FLG: variants seen among roughly 807,000 people sequenced by gnomAD.
The protein encoded by FLG is filaggrin.
In FLG, 6 loss-of-function variants were observed where a neutral mutation model predicts 3.8. The observed-to-expected ratio is 1.60, with a 90% CI of 0.87 to 3.15. FLG has a LOEUF of 3.15. Ranked by LOEUF, FLG falls within the 30% of genes most tolerant of loss-of-function variation. FLG has a pLI of 0.00. For synonymous variants in FLG, 2,551 were observed against 1,931.6 expected (o/e 1.32, Z -8.41); for missense variants, 7,595 against 5,050.9 (o/e 1.50, Z -15.27).
rs925994626 is a variant in FLG, at chr1:152,310,741, A to G, written c.4145T>C (p.Val1382Ala). 3 of 1,613,698 alleles carry G rather than the reference A, an allele frequency of 1.9e-6. No individual in the cohort carries two copies. Among genetic ancestry groups the G allele is most frequent in the Non-Finnish European group, 2.5e-6 (3 of 1,179,996 alleles). The change falls in exon 3 of 3, where the codon GTC becomes GCC. Residue 1382 changes from valine to alanine, a missense_variant. By Grantham distance (64) the Val-to-Ala change is moderately conservative (BLOSUM62 0). Coordinates refer to ENST00000368799, the MANE Select transcript of FLG (RefSeq NM_002016.2). Reference sequence around the variant, plus strand: ...GGACCCTCGGTGTCCACTGTCTCTGACTGCAGATGAAGCTTGTCTGTGCCC... The same window carrying G: ...GGACCCTCGGTGTCCACTGTCTCTGGCTGCAGATGAAGCTTGTCTGTGCCC... ...GIGHRQASSA[V>A]RDSGHRGSSG...
chr1:152,317,066 T>A (rs3120656), intron 1 of FLG, among the ~76,000 whole-genome samples: 14,907 of 152,144 alleles, frequency 0.098, 2,480 homozygotes, highest in African/African-American at 0.34. Context: ...AAACAGTCTG[T>A]GCTCCTCCTG....
chr1:152,308,210 C>T lies in FLG; in HGVS notation c.6676G>A (p.Gly2226Ser). 1.2e-6 allele frequency: 2 copies of T among 1,613,976 alleles called. No homozygotes were observed. The highest frequency in any genetic ancestry group is 1.7e-6 in the Non-Finnish European group (2 of 1,179,978). Residue 2226 changes from glycine (G) to serine (S), a missense_variant, in exon 3 of 3, where the codon GGC becomes AGC. Physicochemically the swap from Gly to Ser is moderately conservative, Grantham distance 56. Transcript: ENST00000368799. ...WADSSRHSLV[G>S]QGQSSGPRTS... Reference sequence around the variant, plus strand: ...CTGGGCCCTGATGATTGTCCCTGGCCCACCAGTGAGTGTCTAGAGCTGTCG... The same window carrying T: ...CTGGGCCCTGATGATTGTCCCTGGCTCACCAGTGAGTGTCTAGAGCTGTCG...
intron 1 of FLG, among the ~76,000 whole-genome samples, chr1:152,324,038 C>T (rs554188171): frequency 1.0e-3 from 156 of 151,798 alleles, no homozygotes; most frequent in African/African-American, 3.5e-3. Flanking sequence ...GTTGACTGGA[C>T]GTGGTGATGA....
At chr1:152,316,235 C>G (rs1652785159) in intron 1 of FLG, among the ~76,000 whole-genome samples, 1 of 152,064 alleles carries the variant, frequency 6.6e-6, no homozygotes, top group Non-Finnish European at 1.5e-5. Context: ...GTAGCAGTCA[C>G]AACTAAAACA....
Position 152,308,062 on chromosome 1 carries a change from G to A in FLG, c.6824C>T (p.Ser2275Leu), listed in dbSNP as rs756335258. The stretch of plus-strand genomic sequence containing the variant: ...CCTGGGGTGTCTGGAGCCATCTCTT[G>A]ACTGCTCCTGAGCAGATCCATGATG... The part of the protein sequence containing the change: ...RNHHGSAQEQ[S>L]RDGSRHPRSH... The change falls in exon 3 of 3, where the codon TCA becomes TTA. Residue 2275 changes from serine to leucine, a missense_variant. By Grantham distance (145) the Ser-to-Leu change is moderately radical (BLOSUM62 -2). Transcript: ENST00000368799. 19 of 1,613,854 alleles carry A rather than the reference G, an allele frequency of 1.2e-5. No individual in the cohort carries two copies. Among genetic ancestry groups the A allele is most frequent in the African/African-American group, 8.0e-5 (6 of 74,868 alleles).
chr1:152,307,144 TCA>T lies in FLG; in HGVS notation c.7740_7741del (p.Arg2582ValfsTer62), dbSNP rs750770449. The stretch of plus-strand genomic sequence containing the variant: ...TCTGGAAGCAGACCCAGACCACCTC[TCA>T]GAGTCTTCTGAGTGTCCCTGACTGT... On this transcript the variant is annotated frameshift_variant, in exon 3 of 3. Coordinates refer to ENST00000368799, the MANE Select transcript of FLG (RefSeq NM_002016.2). LOFTEE classifies it low-confidence loss of function (END_TRUNC). The T allele has an allele frequency of 3.7e-6, 6 of 1,612,616 alleles. No homozygotes were observed. In the African/African-American group the frequency reaches 8.1e-5, roughly 22 times the overall value.
intron 2 of FLG, 82 bp downstream of exon 2, chr1:152,315,237 C>G: frequency 7.6e-7 from 1 of 1,322,672 alleles, no homozygotes; most frequent in Non-Finnish European, 1.1e-6. Context: ...AAATAGTTCA[C>G]AAAGAGCTCA....
Position 152,302,458 on chromosome 1 carries a change from AG to A in FLG, c.*241del, listed in dbSNP as rs1651668967. 3.8e-6 allele frequency: 2 copies of A among 531,438 alleles called. No homozygotes were observed. Among genetic ancestry groups the A allele is most frequent in the Non-Finnish European group, 6.5e-6 (2 of 305,652 alleles). The allele number at this position is 531,438 out of a possible 1,614,324, so 32.9% of individuals were successfully genotyped here. A position where few individuals can be genotyped will look rare whatever the true frequency, so the allele number is the denominator to read the frequency against. The stretch of plus-strand genomic sequence containing the variant: ...CAGAATCTCCTAAAATACTCCAGCT[AG>A]TTTTCTAAAGTTAGCTCTCCATGAT... On this transcript the variant is annotated 3_prime_UTR_variant, in exon 3 of 3. Transcript: ENST00000368799.
In FLG at chr1:152,302,309, C is replaced by T. The variant is rs1025170381; in HGVS notation, c.*391G>A. On this transcript the variant is annotated 3_prime_UTR_variant, in exon 3 of 3. Transcript: ENST00000368799. ...TGTGCTAGCCCTGATGTTGATATAG[C>T]CACTTTGGTATACAGAACTGTTTTA... is the stretch of plus-strand genomic sequence containing the variant. 6 of 225,120 alleles carry T rather than the reference C, an allele frequency of 2.7e-5. No individual in the cohort carries two copies. Among genetic ancestry groups the T allele is most frequent in the Non-Finnish European group, 4.4e-5 (5 of 113,918 alleles). The allele number at this position is 225,120 out of a possible 1,614,324, so 13.9% of individuals were successfully genotyped here.
In FLG at chr1:152,309,777, T is replaced by C; in HGVS notation, c.5109A>G (p.Ser1703=). 1.2e-6 allele frequency: 2 copies of C among 1,613,900 alleles called. No individual in the cohort carries two copies. Among genetic ancestry groups the C allele is most frequent in the Non-Finnish European group, 1.7e-6 (2 of 1,179,976 alleles). Residue 1703 remains serine (S), a synonymous_variant, in exon 3 of 3, where the codon TCA becomes TCG. Transcript: ENST00000368799. ...GGTTTCCACTGTCTCCGACTACAGA[T>C]GAATCTTGTCTGCGCCCAGTGCCTG... The part of the protein sequence containing the change: ...TDSGTGRRQD[S]SVVGDSGNRG...
rs774723924 is a variant in FLG, at chr1:152,312,750, G to A, written c.2136C>T (p.His712=). The A allele has an allele frequency of 1.7e-5, 28 of 1,613,900 alleles. No individual in the cohort carries two copies. The highest frequency in any genetic ancestry group is 1.6e-4 in the Middle Eastern group (1 of 6,084). Residue 712 remains histidine, a synonymous_variant, in exon 3 of 3, where the codon CAC becomes CAT. Coordinates refer to ENST00000368799, the MANE Select transcript of FLG (RefSeq NM_002016.2). ...SSAGERHGSR[H]QLQSADSSRH... is the part of the protein sequence containing the mutation. ...TGGAGCTGTCTGCTGACTGGAGCTG[G>A]TGGCGGGATCCATGTCTTTCTCCTG... is the stretch of plus-strand genomic sequence containing the variant.
chr1:152,309,651 C>G lies in FLG; in HGVS notation c.5235G>C (p.Gln1745His), dbSNP rs199590366. The change falls in exon 3 of 3, where the codon CAG becomes CAC. Residue 1745 changes from glutamine (Q) to histidine (H), a missense_variant. Gln to His is a conservative substitution (Grantham distance 24). Coordinates refer to ENST00000368799, the MANE Select transcript of FLG (RefSeq NM_002016.2). Reference sequence around the variant, plus strand: ...GGCCACGTGTGGACTCTTGGTGGCTCTGCTGATGGGGCCCAGCCTGTCCGT... The same window carrying G: ...GGCCACGTGTGGACTCTTGGTGGCTGTGCTGATGGGGCCCAGCCTGTCCGT... ...SAHGQAGPHQ[Q>H]SHQESTRGQS... 3 of 1,614,002 alleles carry G rather than the reference C, an allele frequency of 1.9e-6. No homozygotes were observed. The highest frequency in any genetic ancestry group is 4.5e-5 in the East Asian group (2 of 44,800).
At position 152,303,683 on chromosome 1, in the gene FLG, G is replaced by C. The variant is rs143135026; in HGVS notation, c.11203C>G (p.Gln3735Glu). The C allele has an allele frequency of 8.7e-5, 141 of 1,614,064 alleles. No homozygotes were observed. In the African/African-American group the frequency reaches 1.4e-3, roughly 16 times the overall value. Residue 3735 changes from glutamine to glutamate, a missense_variant, in exon 3 of 3, where the codon CAA becomes GAA. By Grantham distance (29) the Gln-to-Glu change is conservative. Coordinates refer to ENST00000368799, the MANE Select transcript of FLG (RefSeq NM_002016.2). ...GRAGPSTGGR[Q>E]GSRHEQARDS... Reference sequence around the variant, plus strand: ...CGTGCCTGCTCGTGGCGGGATCCTTGTCTTCCTCCAGTACTGGGCCCAGCC... The same window carrying C: ...CGTGCCTGCTCGTGGCGGGATCCTTCTCTTCCTCCAGTACTGGGCCCAGCC...
At position 152,303,712 on chromosome 1, in the gene FLG, C is replaced by A. The variant is rs765311435; in HGVS notation, c.11174G>T (p.Gly3725Val). 2 of 1,614,032 alleles carry A rather than the reference C, an allele frequency of 1.2e-6. No individual in the cohort carries two copies. The highest frequency in any genetic ancestry group is 1.7e-6 in the Non-Finnish European group (2 of 1,179,980). ...STHEQSESAH[G>V]RAGPSTGGRQ... ...TCCTCCAGTACTGGGCCCAGCCCGT[C>A]CATGGGCAGACTCAGACTGTTCATG... The change falls in exon 3 of 3, where the codon GGA (glycine) becomes GTA (valine). Residue 3725 changes from glycine (G) to valine (V), a missense_variant. By Grantham distance (109) the Gly-to-Val change is moderately radical. Coordinates refer to ENST00000368799, the MANE Select transcript of FLG (RefSeq NM_002016.2).
rs754243422 is a variant in FLG, at chr1:152,303,897, C to A, written c.10989G>T (p.Gln3663His). Residue 3663 changes from glutamine (Q) to histidine (H), a missense_variant, in exon 3 of 3, where the codon CAG becomes CAT. By Grantham distance (24) the Gln-to-His change is conservative. Coordinates refer to ENST00000368799, the MANE Select transcript of FLG (RefSeq NM_002016.2). ...DSGHRGSSGS[Q>H]ASDSEGHSED... ...CTGAATGTCCCTCACTGTCACTGGC[C>A]TGACTACCACTGGACCCTCGGTGTC... 3 of 1,613,940 alleles carry A rather than the reference C, an allele frequency of 1.9e-6. No homozygotes were observed. Among genetic ancestry groups the A allele is most frequent in the Non-Finnish European group, 2.5e-6 (3 of 1,179,996 alleles).
Position 152,314,597 on chromosome 1 carries a change from A to T in FLG, c.289T>A (p.Ser97Thr), listed in dbSNP as rs1284115966. The stretch of plus-strand genomic sequence containing the variant: ...CTGTGCTTTCTGTGCTTGTGTCCTG[A>T]TATCGGTAAATTCTCTTTTCTGGTA... Reference protein sequence around the residue: ...ESTRKENLPISGHKHRKHSHH... With the variant: ...ESTRKENLPITGHKHRKHSHH... Residue 97 changes from serine (S) to threonine (T), a missense_variant, in exon 3 of 3, where the codon TCA becomes ACA. Ser to Thr is a moderately conservative substitution (Grantham distance 58). Coordinates refer to ENST00000368799, the MANE Select transcript of FLG (RefSeq NM_002016.2). 1 of 1,613,500 alleles carries T rather than the reference A, an allele frequency of 6.2e-7. No homozygotes were observed. Among genetic ancestry groups the T allele is most frequent in the Non-Finnish European group, 8.5e-7 (1 of 1,179,890 alleles).
chr1:152,314,384 G>T lies in FLG; in HGVS notation c.502C>A (p.His168Asn). 2 of 1,612,644 alleles carry T rather than the reference G, an allele frequency of 1.2e-6. No individual in the cohort carries two copies. The highest frequency in any genetic ancestry group is 1.3e-5 in the African/African-American group (1 of 74,876). Residue 168 changes from histidine to asparagine, a missense_variant, in exon 3 of 3, where the codon CAT becomes AAT. By Grantham distance (68) the His-to-Asn change is moderately conservative. Coordinates refer to ENST00000368799, the MANE Select transcript of FLG (RefSeq NM_002016.2). Reference protein sequence around the residue: ...KKERKGYSPTHREEEYGKNHH... With the variant: ...KKERKGYSPTNREEEYGKNHH... ...TTTTTTCCATATTCTTCTTCTCTAT[G>T]AGTAGGTGAATATCCTTTTCTTTCT...
rs1344292140 is a variant in FLG, at chr1:152,306,334, G to C, written c.8552C>G (p.Ser2851Cys). 2 of 1,602,056 alleles carry C rather than the reference G, an allele frequency of 1.2e-6. No homozygotes were observed. Among genetic ancestry groups the C allele is most frequent in the African/African-American group, 3.2e-5 (2 of 63,484 alleles). ...TRNEEQSGDGSRHSGSRHHEA... is the reference protein window; with the variant it reads ...TRNEEQSGDGCRHSGSRHHEA... ...ATGGTGACGCGACCCTGAGTGCCTGGAGCCGTCTCCTGATTGTTCCTCATT... is the reference window on the plus strand; with the variant it reads ...ATGGTGACGCGACCCTGAGTGCCTGCAGCCGTCTCCTGATTGTTCCTCATT... Residue 2851 changes from serine to cysteine, a missense_variant, in exon 3 of 3, where the codon TCC becomes TGC. Ser to Cys is a moderately radical substitution (Grantham distance 112). Coordinates refer to ENST00000368799, the MANE Select transcript of FLG (RefSeq NM_002016.2).
At position 152,312,440 on chromosome 1, in the gene FLG, C is replaced by T. The variant is rs769144771; in HGVS notation, c.2446G>A (p.Val816Ile). 4 of 1,613,510 alleles carry T rather than the reference C, an allele frequency of 2.5e-6. No individual in the cohort carries two copies. In the African/African-American group the frequency reaches 4.0e-5, roughly 16 times the overall value. Reference protein sequence around the residue: ...SHGWTGPSTGVRQGSHHEQAR... With the variant: ...SHGWTGPSTGIRQGSHHEQAR... ...TGCTCATGGTGGGATCCTTGTCTTA[C>T]TCCAGTGCTGGGCCCTGTCCATCCA... The change falls in exon 3 of 3, where the codon GTA (valine) becomes ATA (isoleucine). Residue 816 changes from valine to isoleucine, a missense_variant. Val to Ile is a conservative substitution (Grantham distance 29). Transcript: ENST00000368799.
Sources: allele counts gnomAD v4.1 joint callset (sites outside exome capture counted in the v4.1 genomes callset), GRCh38; gene constraint gnomAD v4.1.1; transcripts MANE v1.5; gene names NCBI Gene and HGNC (gene_info 2026-07-23, HGNC 2026-07-21).